KLRG1: variants seen among roughly 807,000 people sequenced by gnomAD.
KLRG1 encodes the protein killer cell lectin like receptor G1.
A neutral mutation model predicts 21.8 loss-of-function variants in KLRG1; 16 were observed. The observed-to-expected ratio is 0.73, with a 90% CI of 0.50 to 1.11. The LOEUF (loss-of-function observed/expected upper bound fraction) is 1.11, where lower values mean the gene tolerates loss of function less well. KLRG1 is among the 50% of genes most tolerant of loss of function. The pLI is 0.00. For synonymous variants in KLRG1, 69 were observed against 75.9 expected (o/e 0.91, Z 0.47); for missense variants, 173 against 218.3 (o/e 0.79, Z 1.31).
Position 9,010,698 on chromosome 12 carries a change from T to C in KLRG1, c.*1161T>C, listed in dbSNP as rs1224879966. ...ACCACTATATCCCAAATACCTAAGA[T>C]AGTGCTTACGTTCAGTGACTATTAA... On this transcript the variant is annotated 3_prime_UTR_variant, in exon 5 of 5. Transcript: ENST00000356986. 6.6e-6 allele frequency: 1 copy of C among 152,240 alleles called. No individual in the cohort carries two copies. Among genetic ancestry groups the C allele is most frequent in the East Asian group, 1.9e-4 (1 of 5,200 alleles). 9.4% of individuals were successfully genotyped at this position (152,240 alleles called of 1,614,324 possible). A position where few individuals can be genotyped will look rare whatever the true frequency, so the allele number is the denominator to read the frequency against.
the KLRG1 span, chr12:9,196,458 C>T: frequency 2.5e-6 from 4 of 1,590,008 alleles, no homozygotes; most frequent in East Asian, 8.9e-5. Context: ...TATAAAGAGT[C>T]AGTACTTTTA....
the KLRG1 span, among the ~76,000 whole-genome samples, chr12:9,048,348 C>T: frequency 2.6e-5 from 4 of 151,116 alleles, no homozygotes; most frequent in Non-Finnish European, 5.9e-5. Flanking sequence ...AACTAAGAAA[C>T]GCTTCCTAAC....
At chr12:9,138,823 A>G in the KLRG1 span, among the ~76,000 whole-genome samples, 2 of 152,036 alleles carry the variant, frequency 1.3e-5, no homozygotes, top group East Asian at 3.9e-4. Context: ...GAGCAGTTAT[A>G]ATGTATCTTC....
the KLRG1 span, chr12:9,067,951 A>G: frequency 9.1e-7 from 1 of 1,099,862 alleles, no homozygotes; most frequent in Admixed American, 2.0e-5. Flanking sequence ...TAATCAGTAC[A>G]GTGGGAAACC....
chr12:9,184,864 T>C, the KLRG1 span, among the ~76,000 whole-genome samples: 2 of 152,200 alleles, frequency 1.3e-5, no homozygotes, highest in Admixed American at 1.3e-4. Flanking sequence ...GTCAGTTGAC[T>C]GAACTCACCT....
the KLRG1 span, chr12:9,093,498 G>A: frequency 1.9e-6 from 3 of 1,613,926 alleles, no homozygotes; most frequent in Non-Finnish European, 2.5e-6. Context: ...CCATGTCTCA[G>A]GGAAGTACTT....
chr12:9,201,071 A>T, the KLRG1 span: 4 of 1,613,562 alleles, frequency 2.5e-6, no homozygotes, highest in Non-Finnish European at 3.4e-6. Context: ...CTGAAGGGAA[A>T]CAAGAAACAT....
At chr12:9,151,647 C>T in the KLRG1 span, 96 of 1,613,738 alleles carry the variant, frequency 5.9e-5, no homozygotes, top group East Asian at 1.4e-3. Flanking sequence ...CACTTCTGTC[C>T]GGCTCACAGA....
chr12:9,047,111 C>G, the KLRG1 span, among the ~76,000 whole-genome samples: 1 of 152,220 alleles, frequency 6.6e-6, no homozygotes, highest in Non-Finnish European at 1.5e-5. Flanking sequence ...GCCTAGGCCT[C>G]CCAAAGCATT....
chr12:9,184,837 A>C, the KLRG1 span, among the ~76,000 whole-genome samples: 1 of 152,166 alleles, frequency 6.6e-6, no homozygotes, highest in Non-Finnish European at 1.5e-5. Flanking sequence ...ACTGCCCCCA[A>C]ATCTTCTGGT....
the KLRG1 span, among the ~76,000 whole-genome samples, chr12:9,086,798 C>G: frequency 8.6e-5 from 13 of 152,028 alleles, no homozygotes; most frequent in African/African-American, 2.7e-4. Context: ...AGCAATCAAA[C>G]ATGAAAAAGA....
chr12:9,215,226 G>A, the KLRG1 span, among the ~76,000 whole-genome samples: 1 of 151,906 alleles, frequency 6.6e-6, no homozygotes, highest in Non-Finnish European at 1.5e-5. Flanking sequence ...TTCAAACAAT[G>A]GACCCTTGAA....
At chr12:9,152,351 G>A in the KLRG1 span, 1 of 1,454,518 alleles carries the variant, frequency 6.9e-7, no homozygotes, top group East Asian at 2.3e-5. Context: ...TTTTATACGT[G>A]AAAGAAAGCC....
chr12:8,999,782 T>C (rs914521109), intron 3 of KLRG1, among the ~76,000 whole-genome samples: 1 of 152,262 alleles, frequency 6.6e-6, no homozygotes, highest in African/African-American at 2.4e-5. Context: ...CTCACGCCTG[T>C]AATCCCAGCA....
At chr12:9,204,367 A>G in the KLRG1 span, among the ~76,000 whole-genome samples, 2 of 152,236 alleles carry the variant, frequency 1.3e-5, no homozygotes, top group African/African-American at 4.8e-5. Flanking sequence ...AAAAGGACTT[A>G]CATTAAAATC....
At chr12:9,152,274 A>C in the KLRG1 span, 1 of 1,613,414 alleles carries the variant, frequency 6.2e-7, no homozygotes, top group Non-Finnish European at 8.5e-7. Flanking sequence ...TTACATCAAC[A>C]ATCACCATAT....
At chr12:9,191,056 A>C in the KLRG1 span, among the ~76,000 whole-genome samples, 12 of 152,288 alleles carry the variant, frequency 7.9e-5, no homozygotes, top group Admixed American at 3.3e-4. Flanking sequence ...AATTTTTTCC[A>C]ATTGTTGACT....
chr12:9,079,451 A>T, the KLRG1 span: 2 of 1,196,118 alleles, frequency 1.7e-6, no homozygotes, highest in Non-Finnish European at 2.4e-6. Flanking sequence ...GTCATAGATT[A>T]GGAGTTTCTG....
chr12:9,094,999 G>A, the KLRG1 span: 1 of 1,582,942 alleles, frequency 6.3e-7, no homozygotes, highest in Non-Finnish European at 8.6e-7. Flanking sequence ...TAGACCTTCA[G>A]GTCCATGCAT....
Sources: allele counts gnomAD v4.1 joint callset (sites outside exome capture counted in the v4.1 genomes callset), GRCh38; gene constraint gnomAD v4.1.1; transcripts MANE v1.5; gene names NCBI Gene and HGNC (gene_info 2026-07-23, HGNC 2026-07-21).